ROS1: variants seen among roughly 807,000 people sequenced by gnomAD.
ROS1 encodes ROS proto-oncogene 1, receptor tyrosine kinase.
ROS1 carries 263 observed loss-of-function variants against 273.5 expected under a neutral mutation model. That is an observed-to-expected ratio of 0.96 (90% confidence interval 0.87 to 1.06). The LOEUF (loss-of-function observed/expected upper bound fraction) is 1.06. ROS1 is among the 50% of genes least tolerant of loss of function. The probability of loss-of-function intolerance (pLI) is 0.00; values close to 1 mark genes in which losing one functional copy is unlikely to be tolerated. For missense variants in ROS1, 2,833 were observed against 2,751.1 expected (o/e 1.03, Z -0.67); for synonymous variants, 1,008 against 954.1 (o/e 1.06, Z -1.04).
intron 7 of ROS1, among the ~76,000 whole-genome samples, chr6:117,401,188 G>A (rs1303340921): frequency 1.3e-5 from 2 of 152,048 alleles, no homozygotes; most frequent in Admixed American, 6.5e-5. Flanking sequence ...CCTTGTCAGA[G>A]CCATCACCAA....
intron 1 of ROS1, among the ~76,000 whole-genome samples, chr6:117,425,274 C>T (rs1002942978): frequency 2.6e-5 from 4 of 152,048 alleles, no homozygotes; most frequent in African/African-American, 9.7e-5. Flanking sequence ...AAATTGATTC[C>T]ATTTAAACCT....
At chr6:117,326,536 C>G (rs1302389876) in intron 33 of ROS1, 122 bp from the exon 34 acceptor site, 1 of 580,140 alleles carries the variant, frequency 1.7e-6, no homozygotes. Flanking sequence ...TACCCTTGAC[C>G]TCATTCCTCT....
At chr6:117,303,689 A>G (rs568538872) in intron 42 of ROS1, among the ~76,000 whole-genome samples, 1 of 152,320 alleles carries the variant, frequency 6.6e-6, no homozygotes, top group Non-Finnish European at 1.5e-5. Flanking sequence ...TTTTAAGCGG[A>G]CATAATCTTT....
intron 19 of ROS1, 72 bp from the exon 20 acceptor site, chr6:117,365,813 A>C: frequency 8.3e-7 from 1 of 1,201,878 alleles, no homozygotes; most frequent in Non-Finnish European, 1.1e-6. Flanking sequence ...AAATCATAGA[A>C]AATCAATAGC....
intron 29 of ROS1, 62 bp from the exon 30 acceptor site, chr6:117,341,694 T>C: frequency 3.9e-6 from 5 of 1,289,734 alleles, no homozygotes; most frequent in Non-Finnish European, 5.6e-6. Context: ...TGGAAAGAAG[T>C]AATGGAGTTT....
In ROS1 at chr6:117,321,382, C is replaced by A. The variant is rs2128563691; in HGVS notation, c.5636G>T (p.Arg1879Ile). ...TIPLTFVWHR[R>I]LKNQKSAKEG... ...CTTGGCACTTTTTTGATTCTTTAAT[C>A]TTCTATGCCAGACTATAAAGGAAAA... The change falls in exon 36 of 44, where the codon AGA becomes ATA. Residue 1879 changes from arginine to isoleucine, a missense_variant. Coordinates refer to ENST00000368507, the MANE Select transcript of ROS1 (RefSeq NM_001378902.1). 1 of 1,608,006 alleles carries A rather than the reference C, an allele frequency of 6.2e-7. No individual in the cohort carries two copies. The highest frequency in any genetic ancestry group is 8.5e-7 in the Non-Finnish European group (1 of 1,178,138).
At chr6:117,401,948 C>A (rs983653169) in intron 7 of ROS1, among the ~76,000 whole-genome samples, 1 of 152,092 alleles carries the variant, frequency 6.6e-6, no homozygotes, top group East Asian at 1.9e-4. Context: ...CTATACCACA[C>A]CACTACCACC....
Position 117,394,015 on chromosome 6 carries a change from A to G in ROS1, c.1191+147T>C, listed in dbSNP as rs144933593. 2.6e-5 allele frequency: 13 copies of G among 490,914 alleles called. No homozygotes were observed. The East Asian group carries it at 4.5e-4, about 17-fold the overall frequency. 30.4% of individuals were successfully genotyped at this position (490,914 alleles called of 1,614,324 possible). On this transcript the variant is annotated intron_variant, in intron 11 of 43. Coordinates refer to ENST00000368507, the MANE Select transcript of ROS1 (RefSeq NM_001378902.1). ...CTACACCCTCCTATAGGCCAGATCT[A>G]TGATTCATTGATAACCTAGTATCTA...
At chr6:117,329,272 T>G (rs940180879) in intron 33 of ROS1, 57 bp downstream of exon 33, 1 of 817,414 alleles carries the variant, frequency 1.2e-6, no homozygotes, top group African/African-American at 1.7e-5. Context: ...TTTTGATTAC[T>G]TTATAATTAT....
chr6:117,337,081 A>G lies in ROS1; in HGVS notation c.5230+91T>C, dbSNP rs1020663620. The G allele has an allele frequency of 4.9e-6, 5 of 1,022,292 alleles. No individual in the cohort carries two copies. The African/African-American group carries it at 8.3e-5, about 17-fold the overall frequency. 63.3% of individuals were successfully genotyped at this position (1,022,292 alleles called of 1,614,324 possible). ...TAATAATGTACTGCTTTTAAAGAACAATTTCATATATCTCTAGGATTAGTG... is the reference window on the plus strand; with the variant it reads ...TAATAATGTACTGCTTTTAAAGAACGATTTCATATATCTCTAGGATTAGTG... On this transcript the variant is annotated intron_variant, in intron 32 of 43. Coordinates refer to ENST00000368507, the MANE Select transcript of ROS1 (RefSeq NM_001378902.1).
intron 39 of ROS1, among the ~76,000 whole-genome samples, chr6:117,315,870 A>T (rs1376961740): frequency 6.6e-6 from 1 of 152,088 alleles, no homozygotes; most frequent in Non-Finnish European, 1.5e-5. Context: ...AAAATTAAGT[A>T]CTAGATTGTC....
At position 117,288,744 on chromosome 6, in the gene ROS1, C is replaced by T. The variant is rs761470868; in HGVS notation, c.6774G>A (p.Met2258Ile). The T allele has an allele frequency of 1.2e-6, 2 of 1,613,650 alleles. No individual in the cohort carries two copies. ...NSDDIMPVAL[M>I]ETKNREGLNY... ...TTAACCCTTCTCGGTTCTTCGTTTC[C>T]ATTAAAGCAACTGGCATAATGTCAT... The change falls in exon 44 of 44, where the codon ATG (methionine) becomes ATA (isoleucine). Residue 2258 changes from methionine (M) to isoleucine (I), a missense_variant. Transcript: ENST00000368507.
chr6:117,375,651 A>G (rs1781270735), intron 18 of ROS1, among the ~76,000 whole-genome samples: 1 of 152,220 alleles, frequency 6.6e-6, no homozygotes, highest in South Asian at 2.1e-4. Context: ...AAATGGAAAT[A>G]GCTGTACTAT....
intron 6 of ROS1, 110 bp downstream of exon 6, chr6:117,404,170 G>A (rs1436230917): frequency 6.0e-6 from 6 of 992,684 alleles, no homozygotes; most frequent in African/African-American, 5.0e-5. Flanking sequence ...GCAGTAAGCT[G>A]AGATCGCGCC....
intron 27 of ROS1, among the ~76,000 whole-genome samples, chr6:117,348,257 A>G (rs547819671): frequency 6.6e-6 from 1 of 152,084 alleles, no homozygotes; most frequent in Admixed American, 6.5e-5. Context: ...GATTCCACTT[A>G]TTTAATAGAT....
chr6:117,310,120 C>T lies in ROS1; in HGVS notation c.6377G>A (p.Ser2126Asn), dbSNP rs773896715. The T allele has an allele frequency of 1.2e-6, 2 of 1,613,354 alleles. No individual in the cohort carries two copies. Among genetic ancestry groups the T allele is most frequent in the South Asian group, 1.1e-5 (1 of 91,068 alleles). The stretch of plus-strand genomic sequence containing the variant: ...AGTAGTGAAGATTCCATCCATCAAA[C>T]TTTCTGGAGCCATCCACCGAACTGG... ...LLPVRWMAPE[S>N]LMDGIFTTQS... The change falls in exon 41 of 44, where the codon AGT (serine) becomes AAT (asparagine). Residue 2126 changes from serine (S) to asparagine (N), a missense_variant. By Grantham distance (46) the Ser-to-Asn change is conservative. Coordinates refer to ENST00000368507, the MANE Select transcript of ROS1 (RefSeq NM_001378902.1).
At position 117,404,417 on chromosome 6, in the gene ROS1, G is replaced by T. The variant is rs532503107; in HGVS notation, c.328C>A (p.Leu110Ile). 3.1e-6 allele frequency: 5 copies of T among 1,612,592 alleles called. No individual in the cohort carries two copies. The East Asian group carries it at 1.1e-4, about 36-fold the overall frequency. ...YEEEVLENAD[L>I]PTAPFASSIG... Reference sequence around the variant, plus strand: ...GAAGAAGCAAAGGGAGCAGTTGGTAGGTCTGCATTTTCTGGGGAAAAAACA... The same window carrying T: ...GAAGAAGCAAAGGGAGCAGTTGGTATGTCTGCATTTTCTGGGGAAAAAACA... Residue 110 changes from leucine to isoleucine, a missense_variant, in exon 6 of 44, where the codon CTA becomes ATA. By Grantham distance (5) the Leu-to-Ile change is conservative. Transcript: ENST00000368507.
intron 6 of ROS1, 22 bp from the exon 7 acceptor site, chr6:117,403,299 C>T (rs2243379): frequency 6.2e-7 from 1 of 1,602,024 alleles, no homozygotes; most frequent in Admixed American, 1.7e-5. Context: ...AGTGATCAAT[C>T]ATCAGCATTA....
intron 36 of ROS1, among the ~76,000 whole-genome samples, chr6:117,320,276 T>C (rs1388475589): frequency 6.6e-6 from 1 of 152,146 alleles, no homozygotes; most frequent in African/African-American, 2.4e-5. Context: ...TTGATAAAAA[T>C]ATATATGTGT....
Sources: gnomAD v4.1 joint callset for allele counts (sites outside exome capture counted in the v4.1 genomes callset) on GRCh38, gnomAD v4.1.1 for gene constraint, MANE v1.5 for transcripts, NCBI Gene and HGNC (gene_info 2026-07-23, HGNC 2026-07-21) for gene names.